Variants in GYG2 observed in about 807,000 individuals in gnomAD.
GYG2 encodes glycogenin 2.
GYG2 carries 29 observed loss-of-function variants against 29.4 expected under a neutral mutation model. That is an observed-to-expected ratio of 0.99 (90% CI 0.74 to 1.35). The LOEUF (loss-of-function observed/expected upper bound fraction) is 1.35. GYG2 is among the 40% of genes most tolerant of loss of function. The pLI is 0.00. For missense variants in GYG2, 370 were observed against 385.7 expected, an observed-to-expected ratio of 0.96 and a Z score of 0.34; for synonymous variants, 167 against 172.3, an observed-to-expected ratio of 0.97 and a Z score of 0.24.
chrX:2,854,839 G>T (rs1037841466), intron 4 of GYG2, among the ~76,000 whole-genome samples, 154 bp from the exon 5 acceptor site: 1 of 112,310 alleles, frequency 8.9e-6, no homozygotes, highest in Admixed American at 9.4e-5. Context: ...GGCTGAGGTG[G>T]GGGGATCGCT....
chrX:2,840,864 AAGAT>A (rs1216300214), intron 2 of GYG2, among the ~76,000 whole-genome samples: 2 of 111,711 alleles, frequency 1.8e-5, no homozygotes. Flanking sequence ...ACATGATAGT[AAGAT>A]AGATAATAAA....
intron 3 of GYG2, among the ~76,000 whole-genome samples, chrX:2,850,529 C>G (rs866513790): frequency 7.2e-5 from 8 of 111,524 alleles, no homozygotes; most frequent in Middle Eastern, 4.2e-3. Flanking sequence ...ACACTGATGT[C>G]AGGCCTCTGA....
At chrX:2,876,563 A>G (rs1023652376) in intron 9 of GYG2, among the ~76,000 whole-genome samples, 1 of 111,746 alleles carries the variant, frequency 8.9e-6, no homozygotes, top group African/African-American at 3.3e-5. Flanking sequence ...GACTTGGTGG[A>G]TGGCTCAGAA....
At chrX:2,858,790 G>GA (rs757665322) in intron 6 of GYG2, among the ~76,000 whole-genome samples, 1 of 110,909 alleles carries the variant, frequency 9.0e-6, no homozygotes, top group African/African-American at 3.3e-5. Context: ...GGTGATCCAC[G>GA]AAAAAAAAGT....
At chrX:2,833,904 C>G (rs1191163147) in intron 2 of GYG2, among the ~76,000 whole-genome samples, 3 of 112,698 alleles carry the variant, frequency 2.7e-5, no homozygotes, top group Non-Finnish European at 3.7e-5. Context: ...TCATCCTTTT[C>G]TCTAGACAGC....
intron 8 of GYG2, among the ~76,000 whole-genome samples, chrX:2,872,640 T>C (rs2088499664): frequency 8.9e-6 from 1 of 112,553 alleles, no homozygotes; most frequent in African/African-American, 3.2e-5. Flanking sequence ...TACTTCATGA[T>C]CGGCCCCGTG....
chrX:2,854,703 A>T (rs186310539), intron 4 of GYG2, among the ~76,000 whole-genome samples: 5 of 111,827 alleles, frequency 4.5e-5, no homozygotes, highest in Admixed American at 1.9e-4. Flanking sequence ...GGAGCTTGAG[A>T]TGGGTGGATC....
chrX:2,871,676 C>T (rs1223634115), intron 8 of GYG2, among the ~76,000 whole-genome samples: 2 of 109,764 alleles, frequency 1.8e-5, no homozygotes, highest in Non-Finnish European at 1.9e-5. Flanking sequence ...GGCAACAGAA[C>T]GAGACTCCGT....
chrX:2,879,157 G>A (rs2088661075), intron 10 of GYG2, among the ~76,000 whole-genome samples: 1 of 110,960 alleles, frequency 9.0e-6, no homozygotes, highest in Admixed American at 9.7e-5. Context: ...ACTGCGGCAA[G>A]TAATTAGAGA....
chrX:2,839,904 C>T (rs1301483998), intron 2 of GYG2, among the ~76,000 whole-genome samples: 7 of 112,382 alleles, frequency 6.2e-5, no homozygotes, highest in African/African-American at 1.9e-4. Flanking sequence ...TGGGGAGTGA[C>T]TGCGTAATGG....
intron 8 of GYG2, among the ~76,000 whole-genome samples, chrX:2,870,100 G>GTTT (rs201814696): frequency 9.9e-6 from 1 of 100,963 alleles, no homozygotes. Context: ...ATGTCCTTCA[G>GTTT]TTTTTTTTTT....
intron 9 of GYG2, among the ~76,000 whole-genome samples, chrX:2,876,720 G>A (rs1603460440): frequency 9.1e-6 from 1 of 110,157 alleles, no homozygotes; most frequent in African/African-American, 3.3e-5. Flanking sequence ...AGGCCGAGGC[G>A]GGCGGATCAT....
chrX:2,864,302 C>A lies in GYG2; in HGVS notation c.1038+2580C>A, dbSNP rs148101415. On this transcript the variant is annotated intron_variant, in intron 8 of 10. Transcript: ENST00000398806. Reference sequence around the variant, plus strand: ...GAGGTATCAATATGCGTAAGAAGTACATTGGTTCAGTCCGGCAAGGCGGGA... The same window carrying A: ...GAGGTATCAATATGCGTAAGAAGTAAATTGGTTCAGTCCGGCAAGGCGGGA... Among the ~76,000 whole-genome samples the A allele has an allele frequency of 7.4e-3, 820 of 111,266 alleles. 15 individuals are homozygous for A. The highest frequency in any genetic ancestry group is 0.025 in the African/African-American group (770 of 30,597).
At chrX:2,835,142 A>T (rs1219244306) in intron 2 of GYG2, among the ~76,000 whole-genome samples, 1 of 111,699 alleles carries the variant, frequency 9.0e-6, no homozygotes, top group Non-Finnish European at 1.9e-5. Context: ...AAATGTTCTG[A>T]TTAGTCGAAA....
chrX:2,871,740 C>T (rs1370170794), intron 8 of GYG2, among the ~76,000 whole-genome samples: 1 of 108,164 alleles, frequency 9.2e-6, no homozygotes, highest in Admixed American at 1.0e-4. Flanking sequence ...AAATAAAATT[C>T]TATATACATT....
At chrX:2,861,887 G>A (rs986546625) in intron 8 of GYG2, among the ~76,000 whole-genome samples, 165 bp downstream of exon 8, 2 of 111,406 alleles carry the variant, frequency 1.8e-5, no homozygotes, top group Non-Finnish European at 3.8e-5. Context: ...TTTGCATTAC[G>A]GCACACCGAA....
At chrX:2,832,882 C>A (rs1243648255) in intron 2 of GYG2, among the ~76,000 whole-genome samples, 1 of 112,169 alleles carries the variant, frequency 8.9e-6, no homozygotes, top group Admixed American at 9.4e-5. Flanking sequence ...TCAGAGCCCA[C>A]CCTAGTGACT....
At chrX:2,846,813 T>G (rs2087747839) in intron 3 of GYG2, among the ~76,000 whole-genome samples, 1 of 111,453 alleles carries the variant, frequency 9.0e-6, no homozygotes, top group African/African-American at 3.2e-5. Context: ...AAATTGAAAT[T>G]AGAAAGAAGT....
chrX:2,873,130 G>A (rs775772719), intron 8 of GYG2, among the ~76,000 whole-genome samples: 7 of 111,490 alleles, frequency 6.3e-5, no homozygotes, highest in African/African-American at 2.3e-4. Flanking sequence ...TAGGGCTGTC[G>A]CGATTAAAAG....
Sources: allele counts gnomAD v4.1 joint callset (sites outside exome capture counted in the v4.1 genomes callset), GRCh38; gene constraint gnomAD v4.1.1; transcripts MANE v1.5; gene names NCBI Gene and HGNC (gene_info 2026-07-23, HGNC 2026-07-21).